Variants in RALGPS2 observed in about 807,000 individuals in gnomAD.
RALGPS2 encodes ras-specific guanine nucleotide-releasing factor RalGPS2.
A neutral mutation model predicts 86.8 loss-of-function variants in RALGPS2; 43 were observed. The observed-to-expected ratio is 0.50, with a 90% CI of 0.39 to 0.64. The LOEUF is 0.64. RALGPS2 is among the 30% of genes least tolerant of loss of function. The pLI, the probability that RALGPS2 is intolerant of heterozygous loss-of-function variation, is 0.00. For missense variants in RALGPS2, 536 were observed against 694.6 expected, an observed-to-expected ratio of 0.77 and a Z score of 2.57; for synonymous variants, 243 against 231.3, an observed-to-expected ratio of 1.05 and a Z score of -0.46.
In RALGPS2 at chr1:178,791,287, A is replaced by ATT. The variant is rs563179993; in HGVS notation, c.213+5699_213+5700dup. ...AGGCATACACCACCACACCTGCCTA[A>ATT]TTTTTTTTTTTTTTTTTTTTGGATA... On this transcript the variant is annotated intron_variant, in intron 4 of 19. Transcript: ENST00000367635. Among the ~76,000 whole-genome samples the ATT allele has an allele frequency of 3.6e-3, 460 of 128,272 alleles. 3 individuals carry two copies. Among genetic ancestry groups the ATT allele is most frequent in the African/African-American group, 8.9e-3 (305 of 34,274 alleles). The allele number at this position is 128,272 out of a possible 152,430, so 84.2% of individuals were successfully genotyped here. A position where few individuals can be genotyped will look rare whatever the true frequency, so the allele number is the denominator to read the frequency against.
intron 1 of RALGPS2, among the ~76,000 whole-genome samples, chr1:178,756,237 G>A (rs1386538306): frequency 6.6e-6 from 1 of 152,050 alleles, no homozygotes; most frequent in Non-Finnish European, 1.5e-5. Context: ...ATTTCCCAAG[G>A]CACATGTCCA....
chr1:178,858,081 A>C (rs1657714545), intron 8 of RALGPS2, among the ~76,000 whole-genome samples: 1 of 152,156 alleles, frequency 6.6e-6, no homozygotes, highest in Non-Finnish European at 1.5e-5. Context: ...ATGTAGTTGA[A>C]GTTCTTTTCC....
intron 13 of RALGPS2, 74 bp from the exon 14 acceptor site, chr1:178,889,568 T>G: frequency 2.1e-6 from 2 of 973,696 alleles, no homozygotes; most frequent in Non-Finnish European, 3.3e-6. Flanking sequence ...TTAATTAATT[T>G]ATTTTTACAT....
chr1:178,865,108 AAT>A lies in RALGPS2; in HGVS notation c.608-12387_608-12386del, dbSNP rs773998750. The A allele has an allele frequency of 1.1e-4, 173 of 1,574,306 alleles. 1 individual carries two copies. Among genetic ancestry groups the A allele is most frequent in the Non-Finnish European group, 5.2e-6 (6 of 1,158,382 alleles). ...CAGGAGTATACTGTTGGCTGTTAGG[AAT>A]ATGTTGTGGCACCACCTGGACAAGT... On this transcript the variant is annotated intron_variant, in intron 8 of 19. Coordinates refer to ENST00000367635, the MANE Select transcript of RALGPS2 (RefSeq NM_152663.5).
In RALGPS2 at chr1:178,904,453, A is replaced by G. The variant is rs189058425; in HGVS notation, c.1630+2242A>G. 6.7e-3 allele frequency among the ~76,000 whole-genome samples: 1,015 copies of G among 152,214 alleles called. 8 individuals carry two copies. Among genetic ancestry groups the G allele is most frequent in the African/African-American group, 0.023 (935 of 41,542 alleles). On this transcript the variant is annotated intron_variant, in intron 18 of 19. Transcript: ENST00000367635. ...AGCCAATGTCTAGAAGAGTTTTCCA[A>G]TGTTGTCTTCTAGAATTTTTATAGT...
rs1163619456 is a variant in RALGPS2 at position 178,920,763 on chromosome 1, A to G, written c.*4404A>G. 1 of 152,054 alleles carries G rather than the reference A, an allele frequency of 6.6e-6. No homozygotes were observed. The highest frequency in any genetic ancestry group is 1.9e-4 in the East Asian group (1 of 5,196). The allele number at this position is 152,054 out of a possible 1,614,324, so 9.4% of individuals were successfully genotyped here. On this transcript the variant is annotated 3_prime_UTR_variant, in exon 20 of 20. Transcript: ENST00000367635. ...CCTTTTGGAAAAGCCCTAAAAGAAT[A>G]AGATACAACCAGAAATATTTGAGTT... is the stretch of plus-strand genomic sequence containing the variant.
intron 1 of RALGPS2, among the ~76,000 whole-genome samples, chr1:178,762,870 T>G (rs1339847321): frequency 6.6e-6 from 1 of 152,152 alleles, no homozygotes; most frequent in Admixed American, 6.5e-5. Flanking sequence ...TTTGTCAGTT[T>G]TTGTTGCAGT....
At chr1:178,793,575 G>A (rs2102150786) in intron 4 of RALGPS2, among the ~76,000 whole-genome samples, 1 of 152,008 alleles carries the variant, frequency 6.6e-6, no homozygotes, top group South Asian at 2.1e-4. Context: ...CTGGGGGGCT[G>A]TCACAAGTCA....
At chr1:178,823,853 A>T (rs1468503571) in intron 7 of RALGPS2, among the ~76,000 whole-genome samples, 1 of 152,186 alleles carries the variant, frequency 6.6e-6, no homozygotes, top group Admixed American at 6.5e-5. Context: ...ACTTAGATGT[A>T]CAAGTTTAAG....
intron 1 of RALGPS2, among the ~76,000 whole-genome samples, chr1:178,742,139 A>G (rs1373817115): frequency 2.0e-5 from 3 of 151,244 alleles, no homozygotes; most frequent in Non-Finnish European, 4.4e-5. Flanking sequence ...CGTCAAAAAA[A>G]AAAAAAAAAA....
intron 1 of RALGPS2, among the ~76,000 whole-genome samples, chr1:178,758,081 G>A (rs2102058832): frequency 6.6e-6 from 1 of 152,176 alleles, no homozygotes; most frequent in Admixed American, 6.5e-5. Flanking sequence ...GTGTACAGGT[G>A]TTCATAATAG....
At chr1:178,849,253 CACTA>C (rs1156981240) in intron 8 of RALGPS2, among the ~76,000 whole-genome samples, 2 of 152,174 alleles carry the variant, frequency 1.3e-5, no homozygotes, top group East Asian at 3.9e-4. Context: ...TCAGAACCTA[CACTA>C]ACTATCATAT....
chr1:178,765,321 G>T (rs889343376), intron 1 of RALGPS2, among the ~76,000 whole-genome samples: 1 of 152,116 alleles, frequency 6.6e-6, no homozygotes, highest in South Asian at 2.1e-4. Flanking sequence ...ACAGAAGAGA[G>T]AAATTTTAAA....
chr1:178,739,508 G>A (rs1315684757), intron 1 of RALGPS2, among the ~76,000 whole-genome samples: 1 of 152,206 alleles, frequency 6.6e-6, no homozygotes, highest in Non-Finnish European at 1.5e-5. Flanking sequence ...TGTTGAAACA[G>A]CATGACTCAA....
chr1:178,830,273 G>T (rs975016918), intron 7 of RALGPS2, among the ~76,000 whole-genome samples: 1 of 152,092 alleles, frequency 6.6e-6, no homozygotes, highest in African/African-American at 2.4e-5. Flanking sequence ...AAAGGTTCAG[G>T]AATAGCTAAA....
chr1:178,904,302 G>A (rs1240941986), intron 18 of RALGPS2, among the ~76,000 whole-genome samples: 1 of 152,176 alleles, frequency 6.6e-6, no homozygotes. Context: ...TCTATGGGTT[G>A]TCTGTTTACT....
intron 19 of RALGPS2, 38 bp downstream of exon 19, chr1:178,906,905 T>G (rs753040630): frequency 1.3e-6 from 2 of 1,578,194 alleles, no homozygotes; most frequent in Non-Finnish European, 1.7e-6. Context: ...AGTCCATAAT[T>G]TGGGAACATA....
chr1:178,812,928 CTTTTTTTTTTTT>C (rs397844555), intron 6 of RALGPS2, among the ~76,000 whole-genome samples: 8 of 106,852 alleles, frequency 7.5e-5, no homozygotes, highest in African/African-American at 2.9e-4. Flanking sequence ...TAGGTAAATA[CTTTTTTTTTTTT>C]TTTTTTTTTG....
rs1223094865 is a variant in RALGPS2, at chr1:178,785,548, A to G, written c.163-9A>G. ...AAGAAGAAATTGTCATTTTTACTTT[A>G]TATTTCAGGGTCAGATAACATTAAT... On this transcript the variant is annotated splice_polypyrimidine_tract_variant and intron_variant, in intron 3 of 19. Coordinates refer to ENST00000367635, the MANE Select transcript of RALGPS2 (RefSeq NM_152663.5). The G allele has an allele frequency of 1.3e-6, 2 of 1,577,816 alleles. No homozygotes were observed. Among genetic ancestry groups the G allele is most frequent in the Admixed American group, 1.9e-5 (1 of 53,742 alleles).
Sources: gnomAD v4.1 joint callset for allele counts (sites outside exome capture counted in the v4.1 genomes callset) on GRCh38, gnomAD v4.1.1 for gene constraint, MANE v1.5 for transcripts, NCBI Gene and HGNC (gene_info 2026-07-23, HGNC 2026-07-21) for gene names.